The following TSNARE1 variants were observed in gnomAD, a reference collection of about 807,000 sequenced individuals.
The protein encoded by TSNARE1 is t-SNARE domain containing 1, also known as t-SNARE domain-containing protein 1.
In TSNARE1, 49 loss-of-function variants were observed where a neutral mutation model predicts 62.0. The ratio of observed to expected loss-of-function variants is 0.79; its 90% CI spans 0.63 to 1.00. TSNARE1 has a LOEUF of 1.00. TSNARE1 is among the 50% of genes least tolerant of loss of function. The pLI, the probability that TSNARE1 is intolerant of heterozygous loss-of-function variation, is 0.00. For synonymous variants in TSNARE1, 328 were observed against 294.4 expected (o/e 1.11, Z -1.17); for missense variants, 755 against 700.1 (o/e 1.08, Z -0.88).
intron 1 of TSNARE1, among the ~76,000 whole-genome samples, chr8:142,363,337 C>G (rs1387248640): frequency 6.6e-6 from 1 of 152,146 alleles, no homozygotes; most frequent in African/African-American, 2.4e-5. Context: ...AGATCCATCA[C>G]CGGTGGAGGT....
intron 2 of TSNARE1, 34 bp from the exon 3 acceptor site, chr8:142,345,926 C>A (rs1170877458): frequency 6.3e-7 from 1 of 1,591,450 alleles, no homozygotes; most frequent in Non-Finnish European, 8.6e-7. Context: ...CGATTACTCT[C>A]AGCTCAGGGC....
At chr8:142,380,655 G>A (rs553311713) in intron 1 of TSNARE1, among the ~76,000 whole-genome samples, 25 of 152,084 alleles carry the variant, frequency 1.6e-4, no homozygotes, top group Admixed American at 9.8e-4. Context: ...CCTCCCTCAC[G>A]GGGAAACAGC....
Position 142,223,305 on chromosome 8 carries a change from C to T in TSNARE1, c.*11+6168G>A, listed in dbSNP as rs111215809. Among the ~76,000 whole-genome samples, 310 of 107,636 alleles carry T rather than the reference C, an allele frequency of 2.9e-3. 28 individuals are homozygous for T. Among genetic ancestry groups the T allele is most frequent in the East Asian group, 0.016 (56 of 3,504 alleles). The allele number at this position is 107,636 out of a possible 152,430, so 70.6% of individuals were successfully genotyped here. On this transcript the variant is annotated intron_variant, in intron 13 of 13. Coordinates refer to ENST00000524325, the MANE Select transcript of TSNARE1 (RefSeq NM_145003.5). ...TCACTCATACTCACTCAACCACTCA[C>T]TCATTCACTCACTCATTCACTCACT...
intron 1 of TSNARE1, among the ~76,000 whole-genome samples, chr8:142,385,577 G>A (rs753254566): frequency 6.6e-5 from 10 of 152,144 alleles, no homozygotes; most frequent in Non-Finnish European, 1.2e-4. Flanking sequence ...GAGTGAGGTA[G>A]AACAATTAGC....
At chr8:142,270,098 G>C in intron 12 of TSNARE1, 1 of 985,442 alleles carries the variant, frequency 1.0e-6, no homozygotes, top group Non-Finnish European at 1.2e-6. Context: ...AGAGGCCCCA[G>C]ACTAGCCAAG....
At chr8:142,229,032 T>G (rs1563762427) in intron 13 of TSNARE1, among the ~76,000 whole-genome samples, 1 of 147,850 alleles carries the variant, frequency 6.8e-6, no homozygotes, top group Admixed American at 6.7e-5. Flanking sequence ...GATGGATGGA[T>G]GGATGGGTGG....
At chr8:142,395,921 A>T (rs929608874) in intron 1 of TSNARE1, among the ~76,000 whole-genome samples, 2 of 152,160 alleles carry the variant, frequency 1.3e-5, no homozygotes, top group Admixed American at 6.5e-5. Flanking sequence ...CCCCTTCCAA[A>T]TACTTCGCTA....
chr8:142,269,098 C>A (rs1414985355), intron 12 of TSNARE1, among the ~76,000 whole-genome samples: 1 of 152,224 alleles, frequency 6.6e-6, no homozygotes, highest in African/African-American at 2.4e-5. Context: ...TTTCTGTATC[C>A]TCAGCACTTA....
At chr8:142,270,058 G>C in intron 12 of TSNARE1, 1 of 985,444 alleles carries the variant, frequency 1.0e-6, no homozygotes, top group Non-Finnish European at 1.2e-6. Context: ...TCTTGCTCCT[G>C]GGACAGGCTT....
intron 1 of TSNARE1, among the ~76,000 whole-genome samples, chr8:142,401,302 C>T (rs1423231487): frequency 1.3e-5 from 2 of 152,138 alleles, no homozygotes; most frequent in African/African-American, 2.4e-5. Flanking sequence ...AGGTCTATGC[C>T]ACAGAGGCTC....
intron 9 of TSNARE1, among the ~76,000 whole-genome samples, chr8:142,311,159 TG>T (rs1476438421): frequency 8.6e-5 from 13 of 150,992 alleles, no homozygotes; most frequent in African/African-American, 2.2e-4. Flanking sequence ...CAAGGGTGGT[TG>T]TTTTTTTTTT....
intron 11 of TSNARE1, chr8:142,278,533 G>A (rs1795848813): frequency 1.0e-6 from 1 of 985,364 alleles, no homozygotes; most frequent in Admixed American, 6.1e-5. Context: ...GACGGCGAAG[G>A]AGCTCCTGGC....
chr8:142,356,901 A>G (rs1178425715), intron 1 of TSNARE1, among the ~76,000 whole-genome samples: 1 of 152,116 alleles, frequency 6.6e-6, no homozygotes, highest in Non-Finnish European at 1.5e-5. Context: ...AGCTCAGATA[A>G]CAAAGGCTGT....
chr8:142,345,294 C>A (rs1322210078), intron 3 of TSNARE1, among the ~76,000 whole-genome samples: 1 of 152,194 alleles, frequency 6.6e-6, no homozygotes, highest in African/African-American at 2.4e-5. Flanking sequence ...GGCCTGGTGT[C>A]CCAGAAGGAC....
At chr8:142,241,938 A>G (rs1423880682) in intron 12 of TSNARE1, among the ~76,000 whole-genome samples, 2 of 148,106 alleles carry the variant, frequency 1.4e-5, no homozygotes, top group African/African-American at 2.4e-5. Flanking sequence ...AATCAACTCA[A>G]AATGGCTGGA....
intron 1 of TSNARE1, among the ~76,000 whole-genome samples, chr8:142,364,762 C>G (rs1722400443): frequency 6.6e-6 from 1 of 151,950 alleles, no homozygotes; most frequent in African/African-American, 2.4e-5. Context: ...ACAATCTGAG[C>G]ATGAAAATAA....
chr8:142,269,718 C>T (rs1013701458), intron 12 of TSNARE1: 6 of 985,176 alleles, frequency 6.1e-6, no homozygotes, highest in Middle Eastern at 1.0e-3. Flanking sequence ...TCTGGTTTGG[C>T]AGGATGGAAG....
At chr8:142,405,783 C>T (rs1028630057), upstream of TSNARE1, 1 of 151,782 alleles carries the variant, frequency 6.6e-6, no homozygotes, top group East Asian at 2.0e-4. Flanking sequence ...CCTGCCTGGA[C>T]AGGAGAAGGC....
At chr8:142,336,714 AC>A (rs1486494566) in intron 4 of TSNARE1, among the ~76,000 whole-genome samples, 1 of 152,244 alleles carries the variant, frequency 6.6e-6, no homozygotes, top group Non-Finnish European at 1.5e-5. Context: ...ACAGGAGAAT[AC>A]ACATTCCTGC....
Sources: allele counts gnomAD v4.1 joint callset (sites outside exome capture counted in the v4.1 genomes callset), GRCh38; gene constraint gnomAD v4.1.1; transcripts MANE v1.5; gene names NCBI Gene and HGNC (gene_info 2026-07-23, HGNC 2026-07-21).